Variants in ITGB3 observed in about 807,000 individuals in gnomAD.
The protein encoded by ITGB3 is integrin beta-3.
ITGB3 carries 48 observed loss-of-function variants against 85.8 expected under a neutral mutation model. The observed-to-expected ratio is 0.56, with a 90% CI of 0.44 to 0.71. ITGB3 has a LOEUF of 0.71. Ranked by LOEUF, ITGB3 falls within the 30% of genes least tolerant of loss-of-function variation. ITGB3 has a pLI of 0.00. For synonymous variants in ITGB3, 363 were observed against 395.6 expected (o/e 0.92, Z 0.98); for missense variants, 861 against 1,019.1 (o/e 0.84, Z 2.11).
chr17:47,307,576 T>C lies in ITGB3; in HGVS notation c.2240T>C (p.Ile747Thr). ...ALLIWKLLIT[I>T]HDRKEFAKFE... Reference sequence around the variant, plus strand: ...CTCATCTGGAAACTCCTCATCACCATCCACGACCGAAAAGAATTCGCTAAA... The same window carrying C: ...CTCATCTGGAAACTCCTCATCACCACCCACGACCGAAAAGAATTCGCTAAA... The change falls in exon 14 of 15, where the codon ATC becomes ACC. Residue 747 changes from isoleucine to threonine, a missense_variant. Transcript: ENST00000559488. 1 of 1,614,176 alleles carries C rather than the reference T, an allele frequency of 6.2e-7. No homozygotes were observed. Among genetic ancestry groups the C allele is most frequent in the East Asian group, 2.2e-5 (1 of 44,876 alleles).
intron 1 of ITGB3, among the ~76,000 whole-genome samples, chr17:47,272,247 G>A (rs1051830392): frequency 4.6e-5 from 7 of 150,754 alleles, no homozygotes; most frequent in African/African-American, 1.7e-4. Flanking sequence ...GTAGAGACAG[G>A]GTTTCACTGT....
chr17:47,313,348 T>TC lies in ITGB3; in HGVS notation c.*3144_*3145insC, dbSNP rs1567772793. Reference sequence around the variant, plus strand: ...GTATTCCTGGTTGAAATTTCTTTTCTTTTTTTTTTTTTTTTTGAGACAGAG... The same window carrying TC: ...GTATTCCTGGTTGAAATTTCTTTTCTCTTTTTTTTTTTTTTTTGAGACAGAG... On this transcript the variant is annotated 3_prime_UTR_variant, in exon 15 of 15. Transcript: ENST00000559488. 1.8e-4 allele frequency among the ~76,000 whole-genome samples: 4 copies of TC among 22,116 alleles called. No homozygotes were observed. Among genetic ancestry groups the TC allele is most frequent in the Non-Finnish European group, 3.6e-4 (3 of 8,352 alleles). 14.5% of individuals were successfully genotyped at this position (22,116 alleles called of 152,430 possible). A position where few individuals can be genotyped will look rare whatever the true frequency, so the allele number is the denominator to read the frequency against.
intron 2 of ITGB3, among the ~76,000 whole-genome samples, chr17:47,282,036 C>T (rs572196133): frequency 6.6e-6 from 1 of 152,300 alleles, no homozygotes; most frequent in South Asian, 2.1e-4. Flanking sequence ...GCAACCTCCA[C>T]CTCCCAGGTT....
Position 47,299,417 on chromosome 17 carries a change from G to A in ITGB3, c.1800G>A (p.Leu600=), listed in dbSNP as rs139884210. The change falls in exon 11 of 15, where the codon CTG becomes CTA. Residue 600 remains leucine, a synonymous_variant. Coordinates refer to ENST00000559488, the MANE Select transcript of ITGB3 (RefSeq NM_000212.3). The surrounding 1 kb of genome is among the most constrained non-coding windows in gnomAD (Gnocchi z 5.1). ...TDTCMSSNGL[L]CSGRGKCECG... is the part of the protein sequence containing the mutation. ...CCTGCATGTCCAGCAATGGGCTGCT[G>A]TGCAGCGGCCGCGGCAAGTGTGAAT... 3.3e-4 allele frequency: 529 copies of A among 1,614,278 alleles called. 5 individuals carry two copies. The highest frequency in any genetic ancestry group is 3.3e-4 in the Middle Eastern group (2 of 6,062).
At chr17:47,263,680 G>A (rs1485148241) in intron 1 of ITGB3, among the ~76,000 whole-genome samples, 1 of 152,154 alleles carries the variant, frequency 6.6e-6, no homozygotes, top group Non-Finnish European at 1.5e-5. Flanking sequence ...AGTAAAGACT[G>A]GATTTCGCCA....
chr17:47,307,043 C>T (rs562747254), intron 13 of ITGB3, among the ~76,000 whole-genome samples: 1 of 152,102 alleles, frequency 6.6e-6, no homozygotes, highest in African/African-American at 2.4e-5. Context: ...TGGGTTTGTT[C>T]CGTAGATAAA....
chr17:47,300,676 G>A (rs1006673638), intron 12 of ITGB3, 98 bp downstream of exon 12: 23 of 851,678 alleles, frequency 2.7e-5, no homozygotes, highest in Non-Finnish European at 3.7e-5. Context: ...AAATGGAAGC[G>A]TGACTTCTAC....
chr17:47,300,346 CGTGTGT>C (rs58012849), intron 11 of ITGB3, 126 bp from the exon 12 acceptor site: 7 of 619,724 alleles, frequency 1.1e-5, no homozygotes, highest in African/African-American at 5.6e-5. Flanking sequence ...CGCGCGCGCG[CGTGTGT>C]GTGTGTGTGT....
intron 9 of ITGB3, among the ~76,000 whole-genome samples, chr17:47,291,776 T>G (rs2065126714): frequency 6.6e-6 from 1 of 152,228 alleles, no homozygotes; most frequent in Non-Finnish European, 1.5e-5. Flanking sequence ...AAATAGTGCT[T>G]TGTGCATCTT....
intron 1 of ITGB3, among the ~76,000 whole-genome samples, chr17:47,269,009 A>C (rs2065035143): frequency 6.6e-6 from 1 of 151,590 alleles, no homozygotes; most frequent in Admixed American, 6.6e-5. Context: ...GCTCAACACC[A>C]CATGGAAGCT....
chr17:47,265,005 G>T lies in ITGB3; in HGVS notation c.80-9414G>T, dbSNP rs187421467. ...CAGGGGCTTTGTTTAGTTTATCAGT[G>T]TGTCTCCAGTGCCTAGGAGAGTGCC... On this transcript the variant is annotated intron_variant, in intron 1 of 14. Coordinates refer to ENST00000559488, the MANE Select transcript of ITGB3 (RefSeq NM_000212.3). Among the ~76,000 whole-genome samples the T allele has an allele frequency of 1.3e-3, 196 of 152,316 alleles. 2 individuals are homozygous for T. Among genetic ancestry groups the T allele is most frequent in the Non-Finnish European group, 1.8e-3 (121 of 68,024 alleles).
chr17:47,290,156 G>A, intron 7 of ITGB3, 29 bp from the exon 8 acceptor site: 1 of 1,575,418 alleles, frequency 6.3e-7, no homozygotes, highest in Non-Finnish European at 8.7e-7. Flanking sequence ...CCTTTGGTAA[G>A]CTCTGGACAT....
intron 10 of ITGB3, among the ~76,000 whole-genome samples, chr17:47,297,988 C>T (rs2143127047): frequency 6.6e-6 from 1 of 152,176 alleles, no homozygotes; most frequent in East Asian, 1.9e-4. Context: ...TACACATTCT[C>T]TTCTCTAAAT....
chr17:47,283,424 C>G lies in ITGB3; in HGVS notation c.236C>G (p.Ser79Cys). Residue 79 changes from serine to cysteine, a missense_variant, in exon 3 of 15, where the codon TCC becomes TGC. Transcript: ENST00000559488. ...NLLKDNCAPE[S>C]IEFPVSEARV... ...CTGAAGGATAACTGTGCCCCAGAATCCATCGAGTTCCCAGTGAGTGAGGCC... is the reference window on the plus strand; with the variant it reads ...CTGAAGGATAACTGTGCCCCAGAATGCATCGAGTTCCCAGTGAGTGAGGCC... 1 of 1,614,222 alleles carries G rather than the reference C, an allele frequency of 6.2e-7. No individual in the cohort carries two copies.
chr17:47,257,290 G>A (rs965505658), intron 1 of ITGB3, among the ~76,000 whole-genome samples: 1 of 152,098 alleles, frequency 6.6e-6, no homozygotes. Context: ...ATTTCAACTC[G>A]TTCCTCATTG....
At chr17:47,309,895 GAA>G (rs11354112) in intron 14 of ITGB3, among the ~76,000 whole-genome samples, 167 of 113,002 alleles carry the variant, frequency 1.5e-3, no homozygotes, top group Non-Finnish European at 1.6e-3. Context: ...GACCCTGTCT[GAA>G]AAAAAAAAAA....
Position 47,292,265 on chromosome 17 carries a change from T to C in ITGB3, c.1387T>C (p.Cys463Arg). 6.2e-7 allele frequency: 1 copy of C among 1,614,222 alleles called. No homozygotes were observed. The highest frequency in any genetic ancestry group is 8.5e-7 in the Non-Finnish European group (1 of 1,180,028). Reference sequence around the variant, plus strand: ...GGTCACCTTTGATTGTGACTGTGCCTGCCAGGCCCAAGCTGAACCTAATAG... The same window carrying C: ...GGTCACCTTTGATTGTGACTGTGCCCGCCAGGCCCAAGCTGAACCTAATAG... ...VQVTFDCDCA[C>R]QAQAEPNSHR... The change falls in exon 10 of 15, where the codon TGC becomes CGC. Residue 463 changes from cysteine to arginine, a missense_variant. By Grantham distance (180) the Cys-to-Arg change is radical. Transcript: ENST00000559488.
At position 47,300,497 on chromosome 17, in the gene ITGB3, A is replaced by C. The variant is rs952912969; in HGVS notation, c.1933A>C (p.Lys645Gln). 1.2e-6 allele frequency: 2 copies of C among 1,613,870 alleles called. No homozygotes were observed. Among genetic ancestry groups the C allele is most frequent in the African/African-American group, 2.7e-5 (2 of 74,902 alleles). Residue 645 changes from lysine (K) to glutamine (Q), a missense_variant, in exon 12 of 15, where the codon AAG becomes CAG. Lys to Gln is a moderately conservative substitution (Grantham distance 53). Transcript: ENST00000559488. ...CTTCAGAGAATGTGTGGAGTGTAAG[A>C]AGTTTGACCGGGGAGCCCTACATGA... ...TFKKECVECKKFDRGALHDEN... is the reference protein window; with the variant it reads ...TFKKECVECKQFDRGALHDEN...
At chr17:47,307,190 T>C (rs1406429220) in intron 13 of ITGB3, among the ~76,000 whole-genome samples, 1 of 152,072 alleles carries the variant, frequency 6.6e-6, no homozygotes, top group Non-Finnish European at 1.5e-5. Context: ...GGTGTTCTCT[T>C]CTTTGTGTTT....
Sources: allele counts gnomAD v4.1 joint callset (sites outside exome capture counted in the v4.1 genomes callset), GRCh38; gene constraint gnomAD v4.1.1; non-coding constraint Gnocchi (gnomAD v3.1); transcripts MANE v1.5; gene names NCBI Gene and HGNC (gene_info 2026-07-23, HGNC 2026-07-21).